The following PIGG variants were observed in gnomAD, a reference collection of about 807,000 sequenced individuals.
The protein encoded by PIGG is GPI ethanolamine phosphate transferase 2, catalytic subunit.
Under a neutral mutation model 83.2 loss-of-function variants are expected in PIGG, and 70 were observed. The ratio of observed to expected loss-of-function variants is 0.84; its 90% confidence interval spans 0.69 to 1.03. The LOEUF is 1.03. Ranked by LOEUF, PIGG falls within the 50% of genes least tolerant of loss-of-function variation. The pLI, the probability that PIGG is intolerant of heterozygous loss-of-function variation, is 0.00. For missense variants in PIGG, 1,257 were observed against 1,233.6 expected (o/e 1.02, Z -0.28); for synonymous variants, 532 against 519.5 (o/e 1.02, Z -0.33).
In PIGG at chr4:508,901, G is replaced by C. The variant is rs552500897; in HGVS notation, c.832G>C (p.Gly278Arg). The change falls in exon 5 of 13, where the codon GGG (glycine) becomes CGG (arginine). Residue 278 changes from glycine to arginine, a missense_variant. Physicochemically the swap from Gly to Arg is moderately radical, Grantham distance 125 (BLOSUM62 -2). Transcript: ENST00000453061. The part of the protein sequence containing the change: ...DHGMSETGSH[G>R]ASSTEEVNTP... ...TGGCATGTCTGAAACAGGAAGTCAC[G>C]GGGCCTCCTCCACCGAGGAGGTGAA... The C allele has an allele frequency of 1.2e-6, 2 of 1,612,896 alleles. No homozygotes were observed. The highest frequency in any genetic ancestry group is 1.1e-5 in the South Asian group (1 of 91,056).
intron 6 of PIGG, among the ~76,000 whole-genome samples, chr4:517,403 G>A (rs904740023): frequency 6.6e-6 from 1 of 152,164 alleles, no homozygotes; most frequent in Non-Finnish European, 1.5e-5. Flanking sequence ...CGTTAGGTAC[G>A]ACTCCGGGGC....
chr4:519,723 T>C (rs1192015591), intron 6 of PIGG, among the ~76,000 whole-genome samples: 76 of 110,196 alleles, frequency 6.9e-4, no homozygotes, highest in Middle Eastern at 0.014. Context: ...GGTTCATGCT[T>C]AGGGACTTGG....
At chr4:521,411 T>C (rs1725844167) in intron 7 of PIGG, 138 bp downstream of exon 7, 2 of 703,118 alleles carry the variant, frequency 2.8e-6, no homozygotes, top group South Asian at 2.0e-5. Context: ...TCTTTCGTGG[T>C]GTGTCCTGAT....
Position 523,821 on chromosome 4 carries a change from G to T in PIGG, c.1977G>T (p.Trp659Cys). Residue 659 changes from tryptophan to cysteine, a missense_variant, in exon 9 of 13, where the codon TGG becomes TGT. Physicochemically the swap from Trp to Cys is radical, Grantham distance 215. Coordinates refer to ENST00000453061, the MANE Select transcript of PIGG (RefSeq NM_001127178.3). ...AGTGGATGGTGCTGGCCAGTCCGTG[G>T]CTAATACTGGCCTGCTGCCGGCTGC... ...REKWMVLASP[W>C]LILACCRLLR... 6.2e-7 allele frequency: 1 copy of T among 1,612,340 alleles called. No individual in the cohort carries two copies. Among genetic ancestry groups the T allele is most frequent in the Non-Finnish European group, 8.5e-7 (1 of 1,179,518 alleles).
At chr4:511,050 T>C (rs1553883107) in intron 5 of PIGG, among the ~76,000 whole-genome samples, 2 of 152,086 alleles carry the variant, frequency 1.3e-5, no homozygotes, top group South Asian at 2.1e-4. Context: ...TCCCAGCACT[T>C]TGGGAGACTG....
Position 521,843 on chromosome 4 carries a change from C to A in PIGG, c.1516C>A (p.Leu506Met). Residue 506 changes from leucine (L) to methionine (M), a missense_variant, in exon 8 of 13, where the codon CTG becomes ATG. Physicochemically the swap from Leu to Met is conservative, Grantham distance 15. Coordinates refer to ENST00000453061, the MANE Select transcript of PIGG (RefSeq NM_001127178.3). ...GTGCTACTTCTGTGGCCTCTCGTGG[C>A]TGGCGGCAGGTGGGGTGATGGTGCT... ...SSCYFCGLSW[L>M]AAGGVMVLAS... 6.2e-7 allele frequency: 1 copy of A among 1,614,214 alleles called. No individual in the cohort carries two copies. The highest frequency in any genetic ancestry group is 1.1e-5 in the South Asian group (1 of 91,086).
chr4:521,620 A>C (rs1015376789), intron 7 of PIGG, 40 bp from the exon 8 acceptor site: 8 of 1,596,002 alleles, frequency 5.0e-6, no homozygotes, highest in Middle Eastern at 1.7e-4. Context: ...GGTTTCTCCA[A>C]GCCCAGCAGT....
In PIGG at chr4:515,630, G is replaced by A. The variant is rs930714551; in HGVS notation, c.902-343G>A. Among the ~76,000 whole-genome samples the A allele has an allele frequency of 3.3e-5, 5 of 152,262 alleles. No homozygotes were observed. Among genetic ancestry groups the A allele is most frequent in the Admixed American group, 1.3e-4 (2 of 15,290 alleles). ...GCCTCACTTCATTCTCCGGTTGGCT[G>A]TTGACCTTGCCAAAGTGACAGTCCC... On this transcript the variant is annotated intron_variant, in intron 5 of 12. Transcript: ENST00000453061. The surrounding 1 kb of genome is among the most constrained non-coding windows in gnomAD (Gnocchi z 4.2).
intron 8 of PIGG, chr4:522,991 G>C (rs1321516814): frequency 6.4e-6 from 1 of 155,152 alleles, no homozygotes; most frequent in African/African-American, 2.4e-5. Flanking sequence ...GGTTTGGTGG[G>C]ATGTATTGTT....
rs570031261 is a variant in PIGG at position 533,989 on chromosome 4, G to T, written c.2735+8G>T. 6.2e-7 allele frequency: 1 copy of T among 1,613,298 alleles called. No individual in the cohort carries two copies. The highest frequency in any genetic ancestry group is 1.3e-5 in the African/African-American group (1 of 75,048). On this transcript the variant is annotated splice_region_variant and intron_variant, in intron 12 of 12. Coordinates refer to ENST00000453061, the MANE Select transcript of PIGG (RefSeq NM_001127178.3). ...GAGCTCAGAAACACGCAGGTGAGGCGCCTCTCTGCCGTCAGCACAGTTCTG... is the reference window on the plus strand; with the variant it reads ...GAGCTCAGAAACACGCAGGTGAGGCTCCTCTCTGCCGTCAGCACAGTTCTG...
chr4:528,346 G>A lies in PIGG; in HGVS notation c.2261+1116G>A, dbSNP rs1169807863. 3.0e-6 allele frequency: 3 copies of A among 985,114 alleles called. No homozygotes were observed. The African/African-American group carries it at 5.2e-5, about 17-fold the overall frequency. 61.0% of individuals were successfully genotyped at this position (985,114 alleles called of 1,614,324 possible). ...TTACTTATTTTTGTATCTTAGCGAT[G>A]TCTAGAGTTAATAAGTGTTGCTTTT... is the stretch of plus-strand genomic sequence containing the variant. On this transcript the variant is annotated intron_variant, in intron 10 of 12. Transcript: ENST00000453061. This position sits in a 1 kb window ranked among gnomAD's most constrained non-coding sequence, Gnocchi z 4.8.
At chr4:532,929 A>AGGAGTGCAAGGGTGTGGTCTT in intron 11 of PIGG, 1 of 143,648 alleles carries the variant, frequency 7.0e-6, no homozygotes, top group Non-Finnish European at 1.5e-5. Flanking sequence ...GGTGGGGCCT[A>AGGAGTGCAAGGGTGTGGTCTT]GGAGTGGAAG....
At chr4:505,443 G>A (rs1027902796) in intron 2 of PIGG, among the ~76,000 whole-genome samples, 2 of 142,262 alleles carry the variant, frequency 1.4e-5, no homozygotes, top group Non-Finnish European at 3.0e-5. Flanking sequence ...GCAACATAGC[G>A]GGACCCTGTA....
chr4:534,871 C>T (rs1454995886), intron 12 of PIGG, among the ~76,000 whole-genome samples: 1 of 152,014 alleles, frequency 6.6e-6, no homozygotes, highest in Non-Finnish European at 1.5e-5. Flanking sequence ...CCCGGGGGAC[C>T]CCAGATCAAG....
intron 5 of PIGG, among the ~76,000 whole-genome samples, chr4:513,158 A>G (rs1553884872): frequency 6.6e-6 from 1 of 152,220 alleles, no homozygotes; most frequent in East Asian, 1.9e-4. Context: ...GTATCCCTAG[A>G]CAATTTCCAG....
chr4:499,471 G>A lies in PIGG; in HGVS notation c.136G>A (p.Ala46Thr), dbSNP rs1465346415. ...ARAEHGAEPP[A>T]PEPSAGASSN... is the part of the protein sequence containing the mutation. ...AGCGGAACACGGAGCGGAGCCCCCA[G>A]CGCCCGAACCCTCGGCTGGTACGGA... The change falls in exon 1 of 13, where the codon GCG (alanine) becomes ACG (threonine). Residue 46 changes from alanine (A) to threonine (T), a missense_variant. By Grantham distance (58) the Ala-to-Thr change is moderately conservative. Coordinates refer to ENST00000453061, the MANE Select transcript of PIGG (RefSeq NM_001127178.3). The A allele has an allele frequency of 6.3e-7, 1 of 1,599,874 alleles. No homozygotes were observed. Among genetic ancestry groups the A allele is most frequent in the East Asian group, 2.2e-5 (1 of 44,740 alleles).
Position 539,466 on chromosome 4 carries a change from T to C in PIGG, c.*97T>C, listed in dbSNP as rs1438616072. ...CAACAAAGTTGATGGATAACTTTCT[T>C]TGACTGCTCTACCTGAATTTAGACT... On this transcript the variant is annotated 3_prime_UTR_variant, in exon 13 of 13. Transcript: ENST00000453061. 1.3e-5 allele frequency: 9 copies of C among 702,870 alleles called. No homozygotes were observed. Among genetic ancestry groups the C allele is most frequent in the South Asian group, 7.3e-5 (4 of 55,162 alleles). 43.5% of individuals were successfully genotyped at this position (702,870 alleles called of 1,614,324 possible).
chr4:500,723 T>A lies in PIGG; in HGVS notation c.360+122T>A. 1.5e-5 allele frequency: 10 copies of A among 674,634 alleles called. No individual in the cohort carries two copies. In the South Asian group the frequency reaches 1.7e-4, roughly 12 times the overall value. 41.8% of individuals were successfully genotyped at this position (674,634 alleles called of 1,614,324 possible). A position where few individuals can be genotyped will look rare whatever the true frequency, so the allele number is the denominator to read the frequency against. On this transcript the variant is annotated intron_variant, in intron 2 of 12. Transcript: ENST00000453061. ...AAAGTGGAAATTTTGTGCTGTCAGT[T>A]GGCTGGGGCAATAGAATGTTGAAGG...
chr4:526,130 T>A (rs1285986957), intron 9 of PIGG, among the ~76,000 whole-genome samples: 1 of 152,228 alleles, frequency 6.6e-6, no homozygotes, highest in African/African-American at 2.4e-5. Context: ...CAGCCCACAT[T>A]CATATAATTT....
Sources: gnomAD v4.1 joint callset for allele counts (sites outside exome capture counted in the v4.1 genomes callset) on GRCh38, gnomAD v4.1.1 for gene constraint, Gnocchi (gnomAD v3.1) non-coding constraint, MANE v1.5 for transcripts, NCBI Gene and HGNC (gene_info 2026-07-23, HGNC 2026-07-21) for gene names.